Variants in KDM3B observed in about 807,000 individuals in gnomAD.
KDM3B encodes the protein lysine-specific demethylase 3B.
In KDM3B, 10 loss-of-function variants were observed where a neutral mutation model predicts 170.0. The observed-to-expected ratio is 0.06, with a 90% CI of 0.04 to 0.10. KDM3B has a LOEUF of 0.10. KDM3B is among the 10% of genes least tolerant of loss of function. KDM3B has a pLI of 1.00. For missense variants in KDM3B, 1,394 were observed against 2,195.2 expected, an observed-to-expected ratio of 0.64 and a Z score of 7.29; for synonymous variants, 831 against 834.8, an observed-to-expected ratio of 1.00 and a Z score of 0.08.
chr5:138,390,919 G>A (rs751729847), intron 7 of KDM3B, 94 bp from the exon 8 acceptor site: 1 of 1,218,220 alleles, frequency 8.2e-7, no homozygotes, highest in Non-Finnish European at 1.1e-6. Context: ...GGACCCCCAA[G>A]AAATGTTGAT....
At chr5:138,385,325 TG>T (rs1762230716) in intron 6 of KDM3B, among the ~76,000 whole-genome samples, 1 of 152,180 alleles carries the variant, frequency 6.6e-6, no homozygotes, top group South Asian at 2.1e-4. Flanking sequence ...CCAGGCCTCC[TG>T]GGTTCAAGCG....
rs760886791 is a variant in KDM3B at position 138,372,813 on chromosome 5, G to A, written c.332G>A (p.Arg111Gln). The A allele has an allele frequency of 6.2e-6, 10 of 1,613,978 alleles. No homozygotes were observed. The highest frequency in any genetic ancestry group is 1.6e-4 in the Middle Eastern group (1 of 6,084). Residue 111 changes from arginine (R) to glutamine (Q), a missense_variant, in exon 2 of 24, where the codon CGA (arginine) becomes CAA (glutamine). Arg to Gln is a conservative substitution (Grantham distance 43, BLOSUM62 1). Coordinates refer to ENST00000314358, the MANE Select transcript of KDM3B (RefSeq NM_016604.4). ...REDPVLLQGI[R>Q]VSIAQWPALT... The stretch of plus-strand genomic sequence containing the variant: ...GACCCAGTCCTTCTCCAGGGCATTC[G>A]AGTCTCCATTGCACAATGGCCAGCC...
chr5:138,417,834 G>C, intron 13 of KDM3B: 1 of 441,608 alleles, frequency 2.3e-6, no homozygotes, highest in South Asian at 3.4e-5. Context: ...ATGGTTGACT[G>C]ATAGCACAAA....
At chr5:138,365,876 A>G (rs1240563846) in intron 1 of KDM3B, among the ~76,000 whole-genome samples, 3 of 151,876 alleles carry the variant, frequency 2.0e-5, no homozygotes, top group Admixed American at 6.6e-5. Context: ...GTGCTTGCCT[A>G]TAATCCCAGC....
At chr5:138,356,907 GT>G (rs1580870137) in intron 1 of KDM3B, among the ~76,000 whole-genome samples, 1 of 152,230 alleles carries the variant, frequency 6.6e-6, no homozygotes, top group East Asian at 1.9e-4. Flanking sequence ...ACCTCCCAAA[GT>G]GCTGGGATTA....
intron 6 of KDM3B, among the ~76,000 whole-genome samples, chr5:138,384,687 T>G (rs1221346230): frequency 6.9e-6 from 1 of 144,892 alleles, no homozygotes; most frequent in Non-Finnish European, 1.5e-5. Flanking sequence ...TGTCATGAGC[T>G]GAAATCACAC....
At chr5:138,403,324 G>C (rs1412608213) in intron 11 of KDM3B, among the ~76,000 whole-genome samples, 3 of 151,942 alleles carry the variant, frequency 2.0e-5, no homozygotes, top group Non-Finnish European at 4.4e-5. Context: ...TGACCAGTAA[G>C]CTGAGGAGGG....
intron 17 of KDM3B, among the ~76,000 whole-genome samples, chr5:138,426,133 T>G (rs1363992655): frequency 2.6e-5 from 4 of 152,198 alleles, no homozygotes. Flanking sequence ...ATCATGTGAT[T>G]CCATGGGCTA....
rs758885463 is a variant in KDM3B, at chr5:138,375,170, G to T, written c.438G>T (p.Arg146=). ...PVEYLLDREL[R]FLSDANGLHL... is the part of the protein sequence containing the mutation. ...AATATCTTCTGGATCGAGAGCTTCG[G>T]TTCCTGTCAGATGCCAATGGGTTGC... Residue 146 remains arginine, a synonymous_variant, in exon 3 of 24, where the codon CGG becomes CGT. Transcript: ENST00000314358. 6.2e-7 allele frequency: 1 copy of T among 1,613,586 alleles called. No individual in the cohort carries two copies. The highest frequency in any genetic ancestry group is 8.5e-7 in the Non-Finnish European group (1 of 1,179,640).
At chr5:138,387,095 T>A (rs1762282675) in intron 7 of KDM3B, among the ~76,000 whole-genome samples, 1 of 152,150 alleles carries the variant, frequency 6.6e-6, no homozygotes, top group Non-Finnish European at 1.5e-5. Flanking sequence ...TTTCCATCAT[T>A]TGATATGGCC....
At chr5:138,418,878 T>G in intron 13 of KDM3B, 75 bp from the exon 14 acceptor site, 1 of 1,360,496 alleles carries the variant, frequency 7.4e-7, no homozygotes, top group African/African-American at 1.4e-5. Context: ...CTATTTAGTA[T>G]GTGAAGCCAT....
chr5:138,410,399 C>G (rs181080491), intron 11 of KDM3B, among the ~76,000 whole-genome samples: 9 of 152,142 alleles, frequency 5.9e-5, no homozygotes, highest in African/African-American at 2.2e-4. Context: ...CATACATAAT[C>G]AATTACGACA....
chr5:138,383,904 T>C (rs1762187646), intron 6 of KDM3B, among the ~76,000 whole-genome samples: 1 of 148,936 alleles, frequency 6.7e-6, no homozygotes, highest in African/African-American at 2.5e-5. Context: ...GAGCTGAGAT[T>C]GTGCTATTGC....
chr5:138,418,852 AT>A, intron 13 of KDM3B, 100 bp from the exon 14 acceptor site: 1 of 1,113,792 alleles, frequency 9.0e-7, no homozygotes, highest in Non-Finnish European at 1.3e-6. Context: ...TACATGACAG[AT>A]TATTCTTCCC....
chr5:138,433,409 GTTTTT>G (rs370681826), intron 23 of KDM3B, among the ~76,000 whole-genome samples: 1 of 126,572 alleles, frequency 7.9e-6, no homozygotes, highest in Non-Finnish European at 1.7e-5. Context: ...CACTGCGGCT[GTTTTT>G]TTTTTTTTTT....
At chr5:138,367,327 GAATAAATGAATACTGTTATTAATTATAGT>G (rs1761769439) in intron 1 of KDM3B, among the ~76,000 whole-genome samples, 1 of 152,094 alleles carries the variant, frequency 6.6e-6, no homozygotes, top group African/African-American at 2.4e-5. Context: ...TTAAGAGTGT[GAATAAATGAATACTGTTATTAATTATAGT>G]AAGAATGGCC....
At chr5:138,353,238 G>T (rs545861211) in intron 1 of KDM3B, among the ~76,000 whole-genome samples, 30 of 152,346 alleles carry the variant, frequency 2.0e-4, no homozygotes, top group Non-Finnish European at 3.7e-4. Flanking sequence ...CAGCCAGCAG[G>T]CCCCGCCTCC....
rs1355900055 is a variant in KDM3B, at chr5:138,436,472, T to C, written c.*772T>C. 6.6e-6 allele frequency: 1 copy of C among 152,228 alleles called. No individual in the cohort carries two copies. Among genetic ancestry groups the C allele is most frequent in the Admixed American group, 6.5e-5 (1 of 15,276 alleles). The allele number at this position is 152,228 out of a possible 1,614,324, so 9.4% of individuals were successfully genotyped here. A position where few individuals can be genotyped will look rare whatever the true frequency, so the allele number is the denominator to read the frequency against. On this transcript the variant is annotated 3_prime_UTR_variant, in exon 24 of 24. Coordinates refer to ENST00000314358, the MANE Select transcript of KDM3B (RefSeq NM_016604.4). ...ATTTTTAGAAATCAGCTACCCATTA[T>C]AGCACAAAATCAGCCAAAGCAGAAT...
intron 11 of KDM3B, among the ~76,000 whole-genome samples, chr5:138,414,565 T>TAGAA (rs890055763): frequency 1.3e-5 from 2 of 152,218 alleles, no homozygotes; most frequent in Non-Finnish European, 2.9e-5. Context: ...GGAGATGTAA[T>TAGAA]AGAAAGGTTC....
Sources: gnomAD v4.1 joint callset for allele counts (sites outside exome capture counted in the v4.1 genomes callset) on GRCh38, gnomAD v4.1.1 for gene constraint, MANE v1.5 for transcripts, NCBI Gene and HGNC (gene_info 2026-07-23, HGNC 2026-07-21) for gene names.